Variants in ZPBP observed in about 807,000 individuals in gnomAD.
ZPBP encodes zona pellucida binding protein, also known as zona pellucida-binding protein 1.
Under a neutral mutation model 44.8 loss-of-function variants are expected in ZPBP, and 26 were observed. The ratio of observed to expected loss-of-function variants is 0.58; its 90% CI spans 0.43 to 0.81. The LOEUF (loss-of-function observed/expected upper bound fraction) is 0.81, where lower values mean the gene tolerates loss of function less well. Among genes scored for constraint, ZPBP ranks in the 30% least tolerant of loss-of-function variants. ZPBP has a pLI of 0.00. For missense variants in ZPBP, 409 were observed against 434.0 expected (o/e 0.94, Z 0.51); for synonymous variants, 174 against 153.2 (o/e 1.14, Z -1.00).
chr7:49,933,734 G>T (rs576147816), downstream of ZPBP, among the ~76,000 whole-genome samples: 2 of 152,218 alleles, frequency 1.3e-5, no homozygotes, highest in East Asian at 3.9e-4. Context: ...AAAAAAGGAT[G>T]AGCTCATGTC....
intron 1 of ZPBP, chr7:49,915,682 GA>G (rs1254244342): frequency 6.6e-6 from 1 of 151,998 alleles, no homozygotes; most frequent in Non-Finnish European, 1.5e-5. Context: ...TAAACATGTA[GA>G]AAACAAAATT....
intron 4 of ZPBP, among the ~76,000 whole-genome samples, chr7:50,047,888 A>G (rs1370915237): frequency 6.6e-6 from 1 of 152,172 alleles, no homozygotes; most frequent in African/African-American, 2.4e-5. Context: ...TGCGCGAGGA[A>G]GCACTGGATG....
At chr7:49,941,300 A>G (rs1430754802) in intron 7 of ZPBP, among the ~76,000 whole-genome samples, 1 of 152,162 alleles carries the variant, frequency 6.6e-6, no homozygotes, top group African/African-American at 2.4e-5. Flanking sequence ...TATATATCCA[A>G]AAGTATTGAA....
intron 6 of ZPBP, among the ~76,000 whole-genome samples, chr7:49,991,847 C>G (rs1797589107): frequency 6.6e-6 from 1 of 151,758 alleles, no homozygotes; most frequent in South Asian, 2.1e-4. Flanking sequence ...CAAAAATCAC[C>G]TAACTGAAAC....
intron 3 of ZPBP, among the ~76,000 whole-genome samples, chr7:50,078,396 A>C (rs1802204648): frequency 6.6e-6 from 1 of 151,640 alleles, no homozygotes; most frequent in Non-Finnish European, 1.5e-5. Flanking sequence ...TAAAGAATGT[A>C]ATTGGAATAT....
chr7:49,845,812 G>C (rs1789928919), downstream of ZPBP, among the ~76,000 whole-genome samples: 1 of 152,214 alleles, frequency 6.6e-6, no homozygotes, highest in African/African-American at 2.4e-5. Context: ...AGAACCTTGT[G>C]ATGTGGGAGT....
At chr7:49,978,865 G>A (rs1300885073) in intron 7 of ZPBP, among the ~76,000 whole-genome samples, 1 of 151,904 alleles carries the variant, frequency 6.6e-6, no homozygotes. Context: ...ATAACCTCCT[G>A]TAAAATAAAC....
rs749534242 is a variant in ZPBP at position 50,081,855 on chromosome 7, A to T, written c.253T>A (p.Cys85Ser). 1 of 1,611,480 alleles carries T rather than the reference A, an allele frequency of 6.2e-7. No homozygotes were observed. The highest frequency in any genetic ancestry group is 1.3e-5 in the African/African-American group (1 of 74,936). ...MLHQKSPHVL[C>S]VTQQLRNAEL... ...GCATTTCGCAGTTGTTGCGTTACAC[A>T]TAACACGTGTGGACTCTTTTGATGG... Residue 85 changes from cysteine (C) to serine (S), a missense_variant, in exon 3 of 8, where the codon TGT (cysteine) becomes AGT (serine). Coordinates refer to ENST00000046087, the MANE Select transcript of ZPBP (RefSeq NM_007009.3).
intron 1 of ZPBP, among the ~76,000 whole-genome samples, chr7:49,902,903 T>A (rs1386548109): frequency 6.6e-6 from 1 of 151,792 alleles, no homozygotes; most frequent in Non-Finnish European, 1.5e-5. Flanking sequence ...AACATATAAA[T>A]AACACAACAT....
At chr7:49,852,288 G>A (rs1290291989) in intron 2 of ZPBP, among the ~76,000 whole-genome samples, 2 of 152,176 alleles carry the variant, frequency 1.3e-5, no homozygotes, top group African/African-American at 4.8e-5. Context: ...TGGCTCTGTG[G>A]CTGTGCTCTT....
chr7:50,037,076 C>T (rs1055982607), intron 4 of ZPBP, among the ~76,000 whole-genome samples: 4 of 152,042 alleles, frequency 2.6e-5, no homozygotes, highest in African/African-American at 9.7e-5. Context: ...TGGATTAAAA[C>T]TATTTCTAGG....
At position 50,081,871 on chromosome 7, in the gene ZPBP, CTT is replaced by C; in HGVS notation, c.235_236del (p.Lys79GlufsTer15). On this transcript the variant is annotated frameshift_variant, in exon 3 of 8. Transcript: ENST00000046087. LOFTEE classifies it high-confidence loss of function. ...GCGTTACACATAACACGTGTGGACTCTTTTGATGGAGCATGACATACGCTTTC... is the reference window on the plus strand; with the variant it reads ...GCGTTACACATAACACGTGTGGACTCTTGATGGAGCATGACATACGCTTTC... ...PVKAYVMLHQ[K>X]SPHVLCVTQQ... 6.2e-7 allele frequency: 1 copy of C among 1,611,264 alleles called. No individual in the cohort carries two copies. Among genetic ancestry groups the C allele is most frequent in the Non-Finnish European group, 8.5e-7 (1 of 1,178,108 alleles).
chr7:49,853,471 C>G (rs959014595), intron 2 of ZPBP, among the ~76,000 whole-genome samples: 1 of 152,174 alleles, frequency 6.6e-6, no homozygotes, highest in Non-Finnish European at 1.5e-5. Flanking sequence ...AACCCCATCT[C>G]TGCCCTCCAG....
chr7:50,019,877 T>C (rs1799006118), intron 5 of ZPBP, among the ~76,000 whole-genome samples: 1 of 152,106 alleles, frequency 6.6e-6, no homozygotes, highest in African/African-American at 2.4e-5. Flanking sequence ...AGGTTTTATT[T>C]ATATTCTATT....
rs545034240 is a variant in ZPBP at position 50,091,214 on chromosome 7, T to C, written c.128-1505A>G. Among the ~76,000 whole-genome samples the C allele has an allele frequency of 3.3e-5, 5 of 152,300 alleles. No individual in the cohort carries two copies. In the South Asian group the frequency reaches 1.0e-3, roughly 32 times the overall value. On this transcript the variant is annotated intron_variant, in intron 1 of 7. Transcript: ENST00000046087. ...TTGAGTTCCTTGTAGATTCTAGATATAGATTCCAGATATTAGTCCTTTGCC... is the reference window on the plus strand; with the variant it reads ...TTGAGTTCCTTGTAGATTCTAGATACAGATTCCAGATATTAGTCCTTTGCC...
chr7:50,091,886 G>C (rs927888031), intron 1 of ZPBP, among the ~76,000 whole-genome samples: 9 of 152,146 alleles, frequency 5.9e-5, no homozygotes, highest in Non-Finnish European at 8.8e-5. Context: ...CAGAGGACTT[G>C]AGTTTAAATC....
At chr7:49,871,233 C>A (rs986902332) in intron 2 of ZPBP, among the ~76,000 whole-genome samples, 4 of 152,140 alleles carry the variant, frequency 2.6e-5, no homozygotes, top group African/African-American at 9.7e-5. Context: ...CTTCTTACAG[C>A]CTTCCATGTA....
At chr7:49,877,300 A>G (rs1791451865) in intron 2 of ZPBP, among the ~76,000 whole-genome samples, 1 of 150,264 alleles carries the variant, frequency 6.7e-6, no homozygotes, top group Non-Finnish European at 1.5e-5. Flanking sequence ...CGTGTCTACT[A>G]AAAATACAAA....
chr7:49,998,645 A>T (rs1388316410), intron 6 of ZPBP, among the ~76,000 whole-genome samples: 1 of 152,176 alleles, frequency 6.6e-6, no homozygotes, highest in African/African-American at 2.4e-5. Flanking sequence ...GAATCAGAGT[A>T]ATTAGTATCT....
Sources: allele counts gnomAD v4.1 joint callset (sites outside exome capture counted in the v4.1 genomes callset), GRCh38; gene constraint gnomAD v4.1.1; transcripts MANE v1.5; gene names NCBI Gene and HGNC (gene_info 2026-07-23, HGNC 2026-07-21).